GPR158: variants seen among roughly 807,000 people sequenced by gnomAD.
GPR158 encodes the protein metabotropic glycine receptor.
GPR158 carries 30 observed loss-of-function variants against 78.2 expected under a neutral mutation model. The observed-to-expected ratio is 0.38, with a 90% CI of 0.29 to 0.52. The LOEUF is 0.52. Ranked by LOEUF, GPR158 falls within the 20% of genes least tolerant of loss-of-function variation. The pLI is 0.83. For synonymous variants in GPR158, 581 were observed against 591.1 expected, an observed-to-expected ratio of 0.98 and a Z score of 0.25; for missense variants, 1,463 against 1,523.5, an observed-to-expected ratio of 0.96 and a Z score of 0.66.
At chr10:25,357,059 G>C (rs71495438) in intron 2 of GPR158, among the ~76,000 whole-genome samples, 15,167 of 152,080 alleles carry the variant, frequency 0.1, 1,871 homozygotes, top group African/African-American at 0.3. Context: ...CAAAGGTGAT[G>C]CTTGTTATGT....
chr10:25,202,103 G>T (rs548990222), intron 1 of GPR158, among the ~76,000 whole-genome samples: 1 of 152,052 alleles, frequency 6.6e-6, no homozygotes, highest in East Asian at 1.9e-4. Context: ...GAATTTTTCT[G>T]GTCCTGGGCT....
chr10:25,544,260 G>C (rs1397351806), intron 5 of GPR158, among the ~76,000 whole-genome samples: 2 of 151,034 alleles, frequency 1.3e-5, no homozygotes, highest in Non-Finnish European at 2.9e-5. Context: ...CTGGCCCCTA[G>C]TATCAGAAAG....
chr10:25,238,711 T>C (rs1322067448), intron 2 of GPR158, among the ~76,000 whole-genome samples: 5 of 152,166 alleles, frequency 3.3e-5, no homozygotes, highest in Non-Finnish European at 7.4e-5. Context: ...AAGAATGGGT[T>C]AGAAAATGGG....
chr10:25,228,613 G>C (rs992649528), intron 2 of GPR158, among the ~76,000 whole-genome samples: 4 of 152,170 alleles, frequency 2.6e-5, no homozygotes, highest in African/African-American at 9.7e-5. Flanking sequence ...TGTAAGAAAG[G>C]CTTTCTGGCA....
At chr10:25,405,109 TAATA>T (rs1166506428) in intron 3 of GPR158, among the ~76,000 whole-genome samples, 3 of 152,090 alleles carry the variant, frequency 2.0e-5, no homozygotes, top group African/African-American at 7.2e-5. Flanking sequence ...TTTATGTGAA[TAATA>T]AATTACATCA....
At chr10:25,423,758 C>A (rs929481704) in intron 4 of GPR158, among the ~76,000 whole-genome samples, 1 of 152,098 alleles carries the variant, frequency 6.6e-6, no homozygotes, top group Non-Finnish European at 1.5e-5. Flanking sequence ...TGTATATGTG[C>A]CACATTTTCT....
At chr10:25,536,834 A>G (rs1165247016) in intron 5 of GPR158, among the ~76,000 whole-genome samples, 3 of 152,178 alleles carry the variant, frequency 2.0e-5, no homozygotes. Context: ...TGGTCCTAGG[A>G]GCAGCAGGAT....
intron 6 of GPR158, among the ~76,000 whole-genome samples, chr10:25,552,125 A>G (rs1836733691): frequency 1.3e-5 from 2 of 152,162 alleles, no homozygotes; most frequent in African/African-American, 2.4e-5. Context: ...CTTCTTATAT[A>G]TGCGGTAAAG....
At chr10:25,520,718 G>A (rs1272067715) in intron 5 of GPR158, among the ~76,000 whole-genome samples, 1 of 152,134 alleles carries the variant, frequency 6.6e-6, no homozygotes, top group African/African-American at 2.4e-5. Context: ...GCTTGAGGAG[G>A]CAGTCTGCCC....
At chr10:25,531,763 T>A (rs1003994878) in intron 5 of GPR158, among the ~76,000 whole-genome samples, 1 of 152,244 alleles carries the variant, frequency 6.6e-6, no homozygotes, top group African/African-American at 2.4e-5. Context: ...ATTATACCAC[T>A]TTAGTTGTCA....
At chr10:25,282,712 A>G (rs372571364) in intron 2 of GPR158, among the ~76,000 whole-genome samples, 1 of 152,062 alleles carries the variant, frequency 6.6e-6, no homozygotes, top group Non-Finnish European at 1.5e-5. Context: ...TATTTCCCTT[A>G]TGACTAATAA....
chr10:25,551,129 C>T, intron 6 of GPR158, 44 bp downstream of exon 6: 1 of 1,096,806 alleles, frequency 9.1e-7, no homozygotes, highest in Non-Finnish European at 1.4e-6. Context: ...AAAGATCAAA[C>T]TAATCAGCTT....
intron 6 of GPR158, among the ~76,000 whole-genome samples, chr10:25,551,899 G>A (rs1836730772): frequency 6.6e-6 from 1 of 152,064 alleles, no homozygotes; most frequent in Admixed American, 6.6e-5. Flanking sequence ...GACAACCATG[G>A]TAAGCCATTC....
chr10:25,532,018 A>T (rs16926060), intron 5 of GPR158, among the ~76,000 whole-genome samples: 3,814 of 151,260 alleles, frequency 0.025, 178 homozygotes, highest in African/African-American at 0.088. Context: ...TTCTTCACAG[A>T]GGGAGACATA....
intron 5 of GPR158, among the ~76,000 whole-genome samples, chr10:25,520,503 T>C (rs1334609688): frequency 6.7e-6 from 1 of 149,798 alleles, no homozygotes; most frequent in Non-Finnish European, 1.5e-5. Flanking sequence ...ATCTTTGTGG[T>C]TTTATCTACT....
At chr10:25,347,831 A>G (rs1029642979) in intron 2 of GPR158, among the ~76,000 whole-genome samples, 6 of 152,032 alleles carry the variant, frequency 3.9e-5, no homozygotes, top group Non-Finnish European at 8.8e-5. Flanking sequence ...AAGCTACAGA[A>G]TAAGCAAGTT....
intron 2 of GPR158, among the ~76,000 whole-genome samples, chr10:25,336,102 G>A (rs1432872792): frequency 6.6e-6 from 1 of 152,028 alleles, no homozygotes; most frequent in Non-Finnish European, 1.5e-5. Context: ...GTAAAAAAAT[G>A]TGGATGATGG....
At chr10:25,423,099 G>A (rs12356353) in intron 4 of GPR158, among the ~76,000 whole-genome samples, 105,032 of 149,776 alleles carry the variant, frequency 0.7, 37,794 homozygotes, top group Non-Finnish European at 0.8. Context: ...GTGTGTGTGT[G>A]TATATGTCTA....
intron 2 of GPR158, among the ~76,000 whole-genome samples, chr10:25,304,703 A>G (rs1854644620): frequency 6.6e-6 from 1 of 152,148 alleles, no homozygotes; most frequent in South Asian, 2.1e-4. Flanking sequence ...AGGATCGACG[A>G]ACTTAAGCAG....
Sources: gnomAD v4.1 joint callset for allele counts (sites outside exome capture counted in the v4.1 genomes callset) on GRCh38, gnomAD v4.1.1 for gene constraint, MANE v1.5 for transcripts, NCBI Gene and HGNC (gene_info 2026-07-23, HGNC 2026-07-21) for gene names.